The following KCNH8 variants were observed in gnomAD, a reference collection of about 807,000 sequenced individuals.
KCNH8 encodes voltage-gated delayed rectifier potassium channel KCNH8.
In KCNH8, 70 loss-of-function variants were observed where a neutral mutation model predicts 103.6. The ratio of observed to expected loss-of-function variants is 0.68; its 90% CI spans 0.56 to 0.82. The LOEUF is 0.82. Among genes scored for constraint, KCNH8 ranks in the 40% least tolerant of loss-of-function variants. The probability of loss-of-function intolerance (pLI) is 0.00; values close to 1 mark genes in which losing one functional copy is unlikely to be tolerated. For synonymous variants in KCNH8, 498 were observed against 489.4 expected (o/e 1.02, Z -0.23); for missense variants, 1,217 against 1,329.9 (o/e 0.92, Z 1.32).
intron 2 of KCNH8, among the ~76,000 whole-genome samples, chr3:19,273,403 G>A (rs1436231019): frequency 6.6e-6 from 1 of 152,148 alleles, no homozygotes; most frequent in East Asian, 1.9e-4. Context: ...TCAGACATTT[G>A]TCTGCTCACT....
chr3:19,177,124 A>C (rs1261689023), intron 1 of KCNH8, among the ~76,000 whole-genome samples: 1 of 152,138 alleles, frequency 6.6e-6, no homozygotes, highest in Non-Finnish European at 1.5e-5. Context: ...TAAAAAAGAA[A>C]ATTATCAACA....
intron 2 of KCNH8, among the ~76,000 whole-genome samples, chr3:19,257,315 G>A (rs536152632): frequency 6.6e-6 from 1 of 152,060 alleles, no homozygotes; most frequent in South Asian, 2.1e-4. Flanking sequence ...TATGGAAAAA[G>A]CTATCCAACA....
chr3:19,513,201 A>G lies in KCNH8; in HGVS notation c.2311A>G (p.Arg771Gly). 8 of 1,613,958 alleles carry G rather than the reference A, an allele frequency of 5.0e-6. No individual in the cohort carries two copies. The highest frequency in any genetic ancestry group is 1.1e-5 in the South Asian group (1 of 91,080). ...CTTTCACTCGCCTATCAGAGTCTCC[A>G]GGTCAAATTCCCCCAAAACCAAGCA... is the stretch of plus-strand genomic sequence containing the variant. ...VPFHSPIRVSRSNSPKTKQEI... is the reference protein window; with the variant it reads ...VPFHSPIRVSGSNSPKTKQEI... Residue 771 changes from arginine to glycine, a missense_variant, in exon 13 of 16, where the codon AGG (arginine) becomes GGG (glycine). Arg to Gly is a moderately radical substitution (Grantham distance 125). Transcript: ENST00000328405.
chr3:19,389,395 T>C (rs1324250495), intron 5 of KCNH8, among the ~76,000 whole-genome samples: 1 of 152,078 alleles, frequency 6.6e-6, no homozygotes, highest in African/African-American at 2.4e-5. Flanking sequence ...AAACGCTCGA[T>C]AATATATAAC....
intron 2 of KCNH8, among the ~76,000 whole-genome samples, chr3:19,263,728 C>T (rs995705745): frequency 3.9e-5 from 6 of 152,194 alleles, no homozygotes; most frequent in African/African-American, 1.4e-4. Context: ...CAAGTCCACT[C>T]AGATTCATGG....
At chr3:19,415,465 TTA>T (rs1410216742) in intron 7 of KCNH8, among the ~76,000 whole-genome samples, 2 of 151,678 alleles carry the variant, frequency 1.3e-5, no homozygotes, top group African/African-American at 4.8e-5. Context: ...ACATATTTAT[TTA>T]TGTTTATTAT....
chr3:19,258,743 T>C (rs2064379033), intron 2 of KCNH8, among the ~76,000 whole-genome samples: 1 of 151,760 alleles, frequency 6.6e-6, no homozygotes, highest in African/African-American at 2.4e-5. Context: ...GGAGCACATA[T>C]TCAGGTGTTC....
chr3:19,185,664 T>C (rs2063494747), intron 1 of KCNH8, among the ~76,000 whole-genome samples: 2 of 151,984 alleles, frequency 1.3e-5, no homozygotes, highest in African/African-American at 4.8e-5. Flanking sequence ...AAGAGGACCA[T>C]TTATCACTGT....
At chr3:19,323,404 G>A (rs200095947) in intron 3 of KCNH8, among the ~76,000 whole-genome samples, 8 of 151,936 alleles carry the variant, frequency 5.3e-5, no homozygotes, top group African/African-American at 9.7e-5. Flanking sequence ...AGCTGAGATC[G>A]CACCACTGCA....
intron 8 of KCNH8, among the ~76,000 whole-genome samples, chr3:19,442,005 A>G (rs1040015164): frequency 1.3e-5 from 2 of 152,232 alleles, no homozygotes; most frequent in African/African-American, 2.4e-5. Flanking sequence ...GTGCCACATC[A>G]GTTAGGAAGT....
chr3:19,318,874 T>C (rs73182739), intron 3 of KCNH8, among the ~76,000 whole-genome samples: 16,872 of 151,822 alleles, frequency 0.11, 1,089 homozygotes, highest in East Asian at 0.18. Context: ...TGTCGCATTG[T>C]GGTTTTGACT....
At position 19,308,704 on chromosome 3, in the gene KCNH8, CTCTCTCTCTCTCT is replaced by C. The variant is rs1575515183; in HGVS notation, c.442+27376_442+27388del. ...TCTCTCTCTCTCTCTCTCTCTCTCT[CTCTCTCTCTCTCT>C]CCCCCTCTCTCCCTCTCTCCCTCTC... On this transcript the variant is annotated intron_variant, in intron 3 of 15. Transcript: ENST00000328405. 1.9e-4 allele frequency among the ~76,000 whole-genome samples: 15 copies of C among 80,964 alleles called. 1 individual carries two copies. Among genetic ancestry groups the C allele is most frequent in the East Asian group, 6.0e-4 (2 of 3,342 alleles). The allele number at this position is 80,964 out of a possible 152,430, so 53.1% of individuals were successfully genotyped here.
intron 1 of KCNH8, among the ~76,000 whole-genome samples, chr3:19,234,282 C>T (rs1286998482): frequency 6.6e-6 from 1 of 152,194 alleles, no homozygotes; most frequent in African/African-American, 2.4e-5. Flanking sequence ...CGCTGTGGGC[C>T]GGCACTCCTC....
At chr3:19,310,510 C>T (rs2065194288) in intron 3 of KCNH8, among the ~76,000 whole-genome samples, 1 of 151,762 alleles carries the variant, frequency 6.6e-6, no homozygotes, top group Admixed American at 6.6e-5. Flanking sequence ...ATTTTCATAA[C>T]TTGAGAATCA....
chr3:19,163,150 C>T (rs1398186893), intron 1 of KCNH8, among the ~76,000 whole-genome samples: 1 of 151,578 alleles, frequency 6.6e-6, no homozygotes, highest in African/African-American at 2.4e-5. Flanking sequence ...AAAACATAGT[C>T]TTCAGAATAA....
At chr3:19,284,867 T>C (rs1381140683) in intron 3 of KCNH8, among the ~76,000 whole-genome samples, 1 of 143,600 alleles carries the variant, frequency 7.0e-6, no homozygotes, top group Non-Finnish European at 1.5e-5. Flanking sequence ...ATGTCCTTTT[T>C]ATAAAAAAAA....
intron 1 of KCNH8, among the ~76,000 whole-genome samples, chr3:19,186,086 A>C (rs1310180575): frequency 6.6e-6 from 1 of 151,948 alleles, no homozygotes; most frequent in African/African-American, 2.4e-5. Flanking sequence ...AGTATGCTTT[A>C]AAAAACAGCA....
At chr3:19,211,484 C>T (rs1469839912) in intron 1 of KCNH8, among the ~76,000 whole-genome samples, 1 of 152,140 alleles carries the variant, frequency 6.6e-6, no homozygotes, top group East Asian at 1.9e-4. Flanking sequence ...AGTCTCTGTA[C>T]CACTGCTGAT....
At chr3:19,256,114 T>C (rs1314559506) in intron 2 of KCNH8, among the ~76,000 whole-genome samples, 1 of 152,164 alleles carries the variant, frequency 6.6e-6, no homozygotes, top group Non-Finnish European at 1.5e-5. Flanking sequence ...CTGTGCAGTG[T>C]AGATGCTTAG....
Sources: gnomAD v4.1 joint callset for allele counts (sites outside exome capture counted in the v4.1 genomes callset) on GRCh38, gnomAD v4.1.1 for gene constraint, MANE v1.5 for transcripts, NCBI Gene and HGNC (gene_info 2026-07-23, HGNC 2026-07-21) for gene names.